The following COMP variants were observed in gnomAD, a reference collection of about 807,000 sequenced individuals.
COMP encodes the protein cartilage oligomeric matrix protein (pseudoachondroplasia, epiphyseal dysplasia 1, multiple).
Under a neutral mutation model 95.8 loss-of-function variants are expected in COMP, and 79 were observed. The observed-to-expected ratio is 0.82, with a 90% CI of 0.69 to 0.99. The LOEUF (loss-of-function observed/expected upper bound fraction) is 0.99, where lower values mean the gene tolerates loss of function less well. Ranked by LOEUF, COMP falls within the 50% of genes least tolerant of loss-of-function variation. COMP has a pLI of 0.00. For synonymous variants in COMP, 438 were observed against 433.9 expected (o/e 1.01, Z -0.12); for missense variants, 906 against 1,076.1 (o/e 0.84, Z 2.21).
At position 18,789,930 on chromosome 19, in the gene COMP, G is replaced by T; in HGVS notation, c.390+12C>A. On this transcript the variant is annotated intron_variant, in intron 4 of 18. Coordinates refer to ENST00000222271, the MANE Select transcript of COMP (RefSeq NM_000095.3). This position sits in a 1 kb window ranked among gnomAD's most constrained non-coding sequence, Gnocchi z 6.1. ...GAGTCGTCAGGGCGGTGGAGTGTCG[G>T]GGCTAGCGCACCTCGTTGACGTCGG... 6.3e-7 allele frequency: 1 copy of T among 1,593,564 alleles called. No homozygotes were observed. The highest frequency in any genetic ancestry group is 8.5e-7 in the Non-Finnish European group (1 of 1,178,216).
intron 17 of COMP, among the ~76,000 whole-genome samples, chr19:18,783,421 G>C (rs2145898055): frequency 6.6e-6 from 1 of 152,312 alleles, no homozygotes; most frequent in South Asian, 2.1e-4. Context: ...AATGGAGGCT[G>C]AGAAACAGGG....
rs1197059949 is a variant in COMP at position 18,784,267 on chromosome 19, G to T, written c.2011C>A (p.Pro671Thr). Residue 671 changes from proline to threonine, a missense_variant, in exon 17 of 19, where the codon CCG (proline) becomes ACG (threonine). Transcript: ENST00000222271. This position sits in a 1 kb window ranked among gnomAD's most constrained non-coding sequence, Gnocchi z 4.9. Reference sequence around the variant, plus strand: ...TTGTCCTTCCAACCCACGTTTCGCGGGTCCTTCCACAGCAGCCGCACCTGG... The same window carrying T: ...TTGTCCTTCCAACCCACGTTTCGCGTGTCCTTCCACAGCAGCCGCACCTGG... Reference protein sequence around the residue: ...ESQVRLLWKDPRNVGWKDKKS... With the variant: ...ESQVRLLWKDTRNVGWKDKKS... 1.2e-6 allele frequency: 2 copies of T among 1,613,940 alleles called. No individual in the cohort carries two copies. The highest frequency in any genetic ancestry group is 2.7e-5 in the African/African-American group (2 of 74,942).
chr19:18,784,214 G>A lies in COMP; in HGVS notation c.2064C>T (p.His688=). 6.2e-7 allele frequency: 1 copy of A among 1,613,832 alleles called. No individual in the cohort carries two copies. Among genetic ancestry groups the A allele is most frequent in the Non-Finnish European group, 8.5e-7 (1 of 1,180,026 alleles). ...ACCTGATGTAGCCCACTTGGGGCCG[G>A]TGCTGCAGGAACCAACGATAGGACT... is the stretch of plus-strand genomic sequence containing the variant. ...DKKSYRWFLQ[H]RPQVGYIRVR... Residue 688 remains histidine, a synonymous_variant, in exon 17 of 19, where the codon CAC becomes CAT. Coordinates refer to ENST00000222271, the MANE Select transcript of COMP (RefSeq NM_000095.3). The surrounding 1 kb of genome is among the most constrained non-coding windows in gnomAD (Gnocchi z 4.9).
In COMP at chr19:18,785,513, G is replaced by T. The variant is rs577011338; in HGVS notation, c.1702C>A (p.Pro568Thr). 1.2e-6 allele frequency: 2 copies of T among 1,613,824 alleles called. No homozygotes were observed. Among genetic ancestry groups the T allele is most frequent in the Non-Finnish European group, 1.7e-6 (2 of 1,180,026 alleles). The change falls in exon 15 of 19, where the codon CCA becomes ACA. Residue 568 changes from proline to threonine, a missense_variant. Physicochemically the swap from Pro to Thr is conservative, Grantham distance 38 (BLOSUM62 -1). Transcript: ENST00000222271. ...REIVQTMNSD[P>T]GLAVGYTAFN... ...CGCTTCTCACCCACAGCCAGGCCTG[G>T]GTCGCTGTTCATTGTCTGCACGATC...
At chr19:18,786,418 C>G (rs1341192643) in intron 11 of COMP, 114 bp downstream of exon 11, 6 of 1,535,690 alleles carry the variant, frequency 3.9e-6, no homozygotes, top group Admixed American at 3.4e-5. Flanking sequence ...CTGCTCGGAC[C>G]GAGAGGTCAT....
Position 18,787,547 on chromosome 19 carries a change from T to A in COMP, c.1079A>T (p.Lys360Met). 1 of 1,613,404 alleles carries A rather than the reference T, an allele frequency of 6.2e-7. No homozygotes were observed. The highest frequency in any genetic ancestry group is 8.5e-7 in the Non-Finnish European group (1 of 1,179,890). The change falls in exon 10 of 19, where the codon AAG (lysine) becomes ATG (methionine). Residue 360 changes from lysine (K) to methionine (M), a missense_variant. Physicochemically the swap from Lys to Met is moderately conservative, Grantham distance 95. Transcript: ENST00000222271. ...GCCCCGGCCGTCCTGGTCTGTGTCC[T>A]TTTGGTCGTCGTTCTTCTGGGACCG... The part of the protein sequence containing the change: ...NCRSQKNDDQ[K>M]DTDQDGRGDA...
rs1011557252 is a variant in COMP at position 18,788,041 on chromosome 19, T to C, written c.975+171A>G. On this transcript the variant is annotated intron_variant, in intron 9 of 18. Coordinates refer to ENST00000222271, the MANE Select transcript of COMP (RefSeq NM_000095.3). This position sits in a 1 kb window ranked among gnomAD's most constrained non-coding sequence, Gnocchi z 4.7. ...GCCTCAGCCTCCTGAGTAGCTGGGA[T>C]TACAGGCGTGCACCACCACGCCCCG... is the stretch of plus-strand genomic sequence containing the variant. Among the ~76,000 whole-genome samples, 3 of 151,732 alleles carry C rather than the reference T, an allele frequency of 2.0e-5. No homozygotes were observed. The highest frequency in any genetic ancestry group is 7.3e-5 in the African/African-American group (3 of 41,252).
In COMP at chr19:18,785,214, C is replaced by G. The variant is rs936759854; in HGVS notation, c.1718-122G>C. 1.2e-4 allele frequency: 124 copies of G among 1,027,598 alleles called. 2 individuals are homozygous for G. The Admixed American group carries it at 2.4e-3, about 20-fold the overall frequency. The allele number at this position is 1,027,598 out of a possible 1,614,324, so 63.7% of individuals were successfully genotyped here. On this transcript the variant is annotated intron_variant, in intron 15 of 18. Transcript: ENST00000222271. The stretch of plus-strand genomic sequence containing the variant: ...TGCCTGCAGACCTGCACCATTCCCA[C>G]TCGCAGAGCCCGGACTCAGCCACGC...
chr19:18,787,749 G>A (rs2055177939), intron 9 of COMP, 99 bp from the exon 10 acceptor site: 1 of 1,547,786 alleles, frequency 6.5e-7, no homozygotes, highest in East Asian at 2.3e-5. Context: ...CCTCCTCAAG[G>A]AACCTTTCGC....
rs777043453 is a variant in COMP at position 18,788,210 on chromosome 19, A to C, written c.975+2T>G. 2.5e-6 allele frequency: 4 copies of C among 1,612,110 alleles called. No homozygotes were observed. The Admixed American group carries it at 6.7e-5, about 27-fold the overall frequency. ...AACCACCGTGCCGAGCCGTAGATCT[A>C]CCTTTTCATTGGGGACCCCGTCCCC... On this transcript the variant is annotated splice_donor_variant, in intron 9 of 18. Coordinates refer to ENST00000222271, the MANE Select transcript of COMP (RefSeq NM_000095.3). LOFTEE classifies it high-confidence loss of function. This position sits in a 1 kb window ranked among gnomAD's most constrained non-coding sequence, Gnocchi z 4.7.
intron 9 of COMP, among the ~76,000 whole-genome samples, chr19:18,787,862 T>TTCTTTTTC: frequency 3.0e-5 from 1 of 32,846 alleles, no homozygotes; most frequent in Non-Finnish European, 5.2e-5. Flanking sequence ...CTTTTTCTTT[T>TTCTTTTTC]TCTCTTTCTT....
Position 18,788,868 on chromosome 19 carries a change from C to A in COMP, c.574G>T (p.Val192Phe). 2 of 1,613,934 alleles carry A rather than the reference C, an allele frequency of 1.2e-6. No individual in the cohort carries two copies. Among genetic ancestry groups the A allele is most frequent in the Non-Finnish European group, 1.7e-6 (2 of 1,179,960 alleles). The change falls in exon 6 of 19, where the codon GTC becomes TTC. Residue 192 changes from valine to phenylalanine, a missense_variant. By Grantham distance (50) the Val-to-Phe change is conservative. Coordinates refer to ENST00000222271, the MANE Select transcript of COMP (RefSeq NM_000095.3). The surrounding 1 kb of genome is among the most constrained non-coding windows in gnomAD (Gnocchi z 4.7). ...NECETGQHNC[V>F]PNSVCINTRG... ...GTGTTGATGCACACGGAGTTGGGGA[C>A]GCAGTTATGTTGCCCGGTCTCACAC...
chr19:18,785,459 C>T (rs750600209), intron 15 of COMP, 39 bp downstream of exon 15: 2 of 1,612,014 alleles, frequency 1.2e-6, no homozygotes, highest in South Asian at 2.2e-5. Context: ...CTCCCTGAGC[C>T]CGCTCCGTGG....
Position 18,790,071 on chromosome 19 carries a change from G to A in COMP, c.261C>T (p.Pro87=). The change falls in exon 4 of 19, where the codon CCC becomes CCT. Residue 87 remains proline (P), a synonymous_variant. Coordinates refer to ENST00000222271, the MANE Select transcript of COMP (RefSeq NM_000095.3). ...AGAAGCCGGGCGCGCAGTGGAGCAG[G>A]GGCCGCACGCTGGGTAGGCCGGTGC... is the stretch of plus-strand genomic sequence containing the variant. ...SVRTGLPSVR[P]LLHCAPGFCF... The A allele has an allele frequency of 7.7e-6, 12 of 1,548,712 alleles. No individual in the cohort carries two copies. The highest frequency in any genetic ancestry group is 1.0e-5 in the Non-Finnish European group (12 of 1,151,596).
At chr19:18,787,732 C>G (rs1400693223) in intron 9 of COMP, 82 bp from the exon 10 acceptor site, 1 of 1,580,742 alleles carries the variant, frequency 6.3e-7, no homozygotes, top group African/African-American at 1.3e-5. Flanking sequence ...TCTCCGAGGA[C>G]GCGTCTCCTC....
At position 18,786,698 on chromosome 19, in the gene COMP, A is replaced by G. The variant is rs372933766; in HGVS notation, c.1136-48T>C. The G allele has an allele frequency of 1.0e-4, 150 of 1,452,738 alleles. 1 individual carries two copies. In the African/African-American group the frequency reaches 1.8e-3, roughly 18 times the overall value. 90.0% of individuals were successfully genotyped at this position (1,452,738 alleles called of 1,614,324 possible). A position where few individuals can be genotyped will look rare whatever the true frequency, so the allele number is the denominator to read the frequency against. On this transcript the variant is annotated intron_variant, in intron 10 of 18. Coordinates refer to ENST00000222271, the MANE Select transcript of COMP (RefSeq NM_000095.3). ...AGCCCCAAGATTGGGACCAGGCCAG[A>G]ATGACTTCATTAGGATGAGGCCAGC...
intron 17 of COMP, among the ~76,000 whole-genome samples, chr19:18,783,695 C>G (rs538893458): frequency 6.6e-6 from 1 of 151,524 alleles, no homozygotes; most frequent in Non-Finnish European, 1.5e-5. Context: ...CTGCAACTTC[C>G]GCTTCCCGAG....
At chr19:18,786,797 C>G in intron 10 of COMP, 147 bp from the exon 11 acceptor site, 1 of 510,456 alleles carries the variant, frequency 2.0e-6, no homozygotes, top group Non-Finnish European at 3.2e-6. Context: ...TTTTTTGAGA[C>G]AGTCTCATTG....
chr19:18,784,771 G>A lies in COMP; in HGVS notation c.1914+125C>T. The A allele has an allele frequency of 7.4e-6, 8 of 1,076,482 alleles. No homozygotes were observed. Among genetic ancestry groups the A allele is most frequent in the Non-Finnish European group, 1.1e-5 (8 of 717,258 alleles). The allele number at this position is 1,076,482 out of a possible 1,614,324, so 66.7% of individuals were successfully genotyped here. A position where few individuals can be genotyped will look rare whatever the true frequency, so the allele number is the denominator to read the frequency against. On this transcript the variant is annotated intron_variant, in intron 16 of 18. Coordinates refer to ENST00000222271, the MANE Select transcript of COMP (RefSeq NM_000095.3). This position sits in a 1 kb window ranked among gnomAD's most constrained non-coding sequence, Gnocchi z 4.9. ...CTGCGGGAGCCCAGAGGAGGGCTGG[G>A]ACAGCTTTGAGGTCCATAGTATGAG... is the stretch of plus-strand genomic sequence containing the variant.
Sources: gnomAD v4.1 joint callset for allele counts (sites outside exome capture counted in the v4.1 genomes callset) on GRCh38, gnomAD v4.1.1 for gene constraint, Gnocchi (gnomAD v3.1) non-coding constraint, MANE v1.5 for transcripts, NCBI Gene and HGNC (gene_info 2026-07-23, HGNC 2026-07-21) for gene names.